Variants in LYNX1 observed in about 807,000 individuals in gnomAD.
The protein encoded by LYNX1 is Ly6/neurotoxin 1.
In LYNX1, 8 loss-of-function variants were observed where a neutral mutation model predicts 8.3. The observed-to-expected ratio is 0.97, with a 90% CI of 0.57 to 1.74. The LOEUF is 1.74. LYNX1 is among the 40% of genes most tolerant of loss of function. LYNX1 has a pLI of 0.00. For missense variants in LYNX1, 158 were observed against 159.7 expected (o/e 0.99, Z 0.06); for synonymous variants, 73 against 67.9 (o/e 1.08, Z -0.37).
At position 142,772,735 on chromosome 8, in the gene LYNX1, G is replaced by A. The variant is rs587617662; in HGVS notation, c.*2432C>T. 22 of 985,546 alleles carry A rather than the reference G, an allele frequency of 2.2e-5. No homozygotes were observed. The East Asian group carries it at 1.7e-3, about 76-fold the overall frequency. The allele number at this position is 985,546 out of a possible 1,614,324, so 61.1% of individuals were successfully genotyped here. A position where few individuals can be genotyped will look rare whatever the true frequency, so the allele number is the denominator to read the frequency against. ...TGATTTCTGCCGGCGCTGCTGTGCC[G>A]GTTCCCTGGTGCTGCACAGCCACGC... On this transcript the variant is annotated 3_prime_UTR_variant, in exon 4 of 4. Transcript: ENST00000652477.
At position 142,773,906 on chromosome 8, in the gene LYNX1, G is replaced by A. The variant is rs1190672545; in HGVS notation, c.*1261C>T. ...GACCGCTGGCACCAAAAGGTCTCACGCCCCCGAATGCCCCATTCACAGCAG... is the reference window on the plus strand; with the variant it reads ...GACCGCTGGCACCAAAAGGTCTCACACCCCCGAATGCCCCATTCACAGCAG... On this transcript the variant is annotated 3_prime_UTR_variant, in exon 4 of 4. Coordinates refer to ENST00000652477, the MANE Select transcript of LYNX1 (RefSeq NM_177477.4). The A allele has an allele frequency of 3.0e-6, 3 of 985,276 alleles. No homozygotes were observed. The highest frequency in any genetic ancestry group is 1.7e-5 in the African/African-American group (1 of 57,220). 61.0% of individuals were successfully genotyped at this position (985,276 alleles called of 1,614,324 possible).
At chr8:142,777,636 C>G (rs898495616), upstream of LYNX1, 10 of 395,704 alleles carry the variant, frequency 2.5e-5, no homozygotes, top group African/African-American at 1.7e-4. Flanking sequence ...GGCCTCGGCC[C>G]GGACCCGTCC....
Position 142,774,149 on chromosome 8 carries a change from T to TGGGCC in LYNX1, c.*1017_*1018insGGCCC. 5 of 725,116 alleles carry TGGGCC rather than the reference T, an allele frequency of 6.9e-6. No homozygotes were observed. The highest frequency in any genetic ancestry group is 6.6e-6 in the Non-Finnish European group (4 of 608,332). The allele number at this position is 725,116 out of a possible 1,614,324, so 44.9% of individuals were successfully genotyped here. ...CGGGGGAGGGGCTGGGTCTCCGCCC[T>TGGGCC]CCCCACCCCACCCTCCCCACTCCCG... On this transcript the variant is annotated 3_prime_UTR_variant, in exon 4 of 4. Coordinates refer to ENST00000652477, the MANE Select transcript of LYNX1 (RefSeq NM_177477.4).
chr8:142,773,348 C>T lies in LYNX1; in HGVS notation c.*1819G>A, dbSNP rs372303838. Reference sequence around the variant, plus strand: ...TCCAGGCTTAGGGCTACAGCCACAACCACTGGGGGTAGGGGCGAGGGGAGT... The same window carrying T: ...TCCAGGCTTAGGGCTACAGCCACAATCACTGGGGGTAGGGGCGAGGGGAGT... On this transcript the variant is annotated 3_prime_UTR_variant, in exon 4 of 4. Coordinates refer to ENST00000652477, the MANE Select transcript of LYNX1 (RefSeq NM_177477.4). The T allele has an allele frequency of 7.1e-6, 7 of 985,664 alleles. No homozygotes were observed. The highest frequency in any genetic ancestry group is 2.3e-4 in the East Asian group (2 of 8,810). The allele number at this position is 985,664 out of a possible 1,614,324, so 61.1% of individuals were successfully genotyped here.
chr8:142,774,573 C>T lies in LYNX1; in HGVS notation c.*594G>A. On this transcript the variant is annotated 3_prime_UTR_variant, in exon 4 of 4. Coordinates refer to ENST00000652477, the MANE Select transcript of LYNX1 (RefSeq NM_177477.4). ...CTGGGGCCTGCTGAGGCAGAGCCGCCCCCTCCCCTGCAGGGGGTGGCTCCA... is the reference window on the plus strand; with the variant it reads ...CTGGGGCCTGCTGAGGCAGAGCCGCTCCCTCCCCTGCAGGGGGTGGCTCCA... The T allele has an allele frequency of 1.0e-6, 1 of 985,832 alleles. No homozygotes were observed. The highest frequency in any genetic ancestry group is 1.2e-6 in the Non-Finnish European group (1 of 830,250). The allele number at this position is 985,832 out of a possible 1,614,324, so 61.1% of individuals were successfully genotyped here. A position where few individuals can be genotyped will look rare whatever the true frequency, so the allele number is the denominator to read the frequency against.
Position 142,772,897 on chromosome 8 carries a change from G to C in LYNX1, c.*2270C>G. 1 of 985,802 alleles carries C rather than the reference G, an allele frequency of 1.0e-6. No individual in the cohort carries two copies. Among genetic ancestry groups the C allele is most frequent in the Non-Finnish European group, 1.2e-6 (1 of 830,306 alleles). 61.1% of individuals were successfully genotyped at this position (985,802 alleles called of 1,614,324 possible). A position where few individuals can be genotyped will look rare whatever the true frequency, so the allele number is the denominator to read the frequency against. On this transcript the variant is annotated 3_prime_UTR_variant, in exon 4 of 4. Coordinates refer to ENST00000652477, the MANE Select transcript of LYNX1 (RefSeq NM_177477.4). ...CAGGGTGGTGGAAAGGTGGACAGAA[G>C]GAGGCAGGAGGCAGGTGTGAGAAGC...
In LYNX1 at chr8:142,774,145, G is replaced by GCCCGGGCCCCCCCC; in HGVS notation, c.*1021_*1022insGGGGGGGGCCCGGG. 1.0e-5 allele frequency: 10 copies of GCCCGGGCCCCCCCC among 981,842 alleles called. No individual in the cohort carries two copies. Among genetic ancestry groups the GCCCGGGCCCCCCCC allele is most frequent in the East Asian group, 1.2e-4 (1 of 8,580 alleles). 60.8% of individuals were successfully genotyped at this position (981,842 alleles called of 1,614,324 possible). ...GCTGCGGGGGAGGGGCTGGGTCTCC[G>GCCCGGGCCCCCCCC]CCCTCCCCACCCCACCCTCCCCACT... On this transcript the variant is annotated 3_prime_UTR_variant, in exon 4 of 4. Coordinates refer to ENST00000652477, the MANE Select transcript of LYNX1 (RefSeq NM_177477.4).
rs73362673 is a variant in LYNX1 at position 142,774,376 on chromosome 8, T to C, written c.*791A>G. Reference sequence around the variant, plus strand: ...TGCCCCTTTCCCTCCCTGCCCAGAATAGCGCTGGCCGGGTCAGCGTCCAGG... The same window carrying C: ...TGCCCCTTTCCCTCCCTGCCCAGAACAGCGCTGGCCGGGTCAGCGTCCAGG... On this transcript the variant is annotated 3_prime_UTR_variant, in exon 4 of 4. Coordinates refer to ENST00000652477, the MANE Select transcript of LYNX1 (RefSeq NM_177477.4). 10,893 of 985,774 alleles carry C rather than the reference T, an allele frequency of 0.011. 832 individuals carry two copies. In the African/African-American group the frequency reaches 0.16, roughly 15 times the overall value. 61.1% of individuals were successfully genotyped at this position (985,774 alleles called of 1,614,324 possible). A position where few individuals can be genotyped will look rare whatever the true frequency, so the allele number is the denominator to read the frequency against.
rs1321814473 is a variant in LYNX1, at chr8:142,772,626, T to C, written c.*2541A>G. 3.8e-5 allele frequency: 37 copies of C among 985,598 alleles called. No individual in the cohort carries two copies. Among genetic ancestry groups the C allele is most frequent in the Non-Finnish European group, 4.0e-5 (33 of 830,044 alleles). 61.1% of individuals were successfully genotyped at this position (985,598 alleles called of 1,614,324 possible). ...AATGGCTCCCATTGCCGGGCTGCTATACAGTGCTCAGGGCCACAGTGCAGT... is the reference window on the plus strand; with the variant it reads ...AATGGCTCCCATTGCCGGGCTGCTACACAGTGCTCAGGGCCACAGTGCAGT... On this transcript the variant is annotated 3_prime_UTR_variant, in exon 4 of 4. Transcript: ENST00000652477.
Position 142,772,329 on chromosome 8 carries a change from C to T in LYNX1, c.*2838G>A. ...CAGTGCCTCTCCCCCTCTCCTCTGC[C>T]ACTCTGCCCTGCACCCAGAGGCAGC... On this transcript the variant is annotated 3_prime_UTR_variant, in exon 4 of 4. Transcript: ENST00000652477. The T allele has an allele frequency of 2.0e-6, 2 of 985,704 alleles. No individual in the cohort carries two copies. The highest frequency in any genetic ancestry group is 2.4e-6 in the Non-Finnish European group (2 of 830,010). 61.1% of individuals were successfully genotyped at this position (985,704 alleles called of 1,614,324 possible).
Position 142,773,623 on chromosome 8 carries a change from G to A in LYNX1, c.*1544C>T, listed in dbSNP as rs890618386. 1.9e-5 allele frequency: 19 copies of A among 985,490 alleles called. No homozygotes were observed. Among genetic ancestry groups the A allele is most frequent in the East Asian group, 1.1e-4 (1 of 8,798 alleles). 61.0% of individuals were successfully genotyped at this position (985,490 alleles called of 1,614,324 possible). A position where few individuals can be genotyped will look rare whatever the true frequency, so the allele number is the denominator to read the frequency against. ...TCAGAACCAGCCCCAGGAGCAGAAC[G>A]CAGGCCTGCATATAGACTCACTGCA... On this transcript the variant is annotated 3_prime_UTR_variant, in exon 4 of 4. Coordinates refer to ENST00000652477, the MANE Select transcript of LYNX1 (RefSeq NM_177477.4).
upstream of LYNX1, chr8:142,777,652 C>T (rs887374319): frequency 6.3e-5 from 25 of 396,004 alleles, no homozygotes; most frequent in Admixed American, 8.4e-4. Flanking sequence ...CGTCCCCGGA[C>T]CGCCGGCTCG....
intron 3 of LYNX1, 37 bp from the exon 4 acceptor site, chr8:142,775,400 G>T (rs377016634): frequency 1.2e-4 from 188 of 1,604,856 alleles, no homozygotes; most frequent in Non-Finnish European, 1.4e-4. Context: ...GCTCCGCTAA[G>T]AGGGGCAGGA....
At position 142,773,898 on chromosome 8, in the gene LYNX1, G is replaced by A. The variant is rs969892405; in HGVS notation, c.*1269C>T. ...TGCAGCGTGACCGCTGGCACCAAAA[G>A]GTCTCACGCCCCCGAATGCCCCATT... On this transcript the variant is annotated 3_prime_UTR_variant, in exon 4 of 4. Coordinates refer to ENST00000652477, the MANE Select transcript of LYNX1 (RefSeq NM_177477.4). The A allele has an allele frequency of 1.0e-6, 1 of 985,414 alleles. No homozygotes were observed. The highest frequency in any genetic ancestry group is 1.2e-6 in the Non-Finnish European group (1 of 829,916). 61.0% of individuals were successfully genotyped at this position (985,414 alleles called of 1,614,324 possible).
chr8:142,774,704 C>T lies in LYNX1; in HGVS notation c.*463G>A, dbSNP rs587704912. 7.3e-4 allele frequency: 726 copies of T among 1,000,898 alleles called. 1 individual carries two copies. Among genetic ancestry groups the T allele is most frequent in the Middle Eastern group, 1.0e-3 (2 of 1,966 alleles). 62.0% of individuals were successfully genotyped at this position (1,000,898 alleles called of 1,614,324 possible). A position where few individuals can be genotyped will look rare whatever the true frequency, so the allele number is the denominator to read the frequency against. On this transcript the variant is annotated 3_prime_UTR_variant, in exon 4 of 4. Transcript: ENST00000652477. ...GGCAGCTCCTGGCCTCAGTAGGAAG[C>T]GTGACTAGGCCTGGAGGAGCCTTTC... is the stretch of plus-strand genomic sequence containing the variant.
Position 142,772,916 on chromosome 8 carries a change from G to T in LYNX1, c.*2251C>A. 2 of 985,904 alleles carry T rather than the reference G, an allele frequency of 2.0e-6. No homozygotes were observed. The highest frequency in any genetic ancestry group is 2.4e-6 in the Non-Finnish European group (2 of 830,314). The allele number at this position is 985,904 out of a possible 1,614,324, so 61.1% of individuals were successfully genotyped here. A position where few individuals can be genotyped will look rare whatever the true frequency, so the allele number is the denominator to read the frequency against. ...ACAGAAGGAGGCAGGAGGCAGGTGT[G>T]AGAAGCTGCCCACCCCACCCCTCAA... is the stretch of plus-strand genomic sequence containing the variant. On this transcript the variant is annotated 3_prime_UTR_variant, in exon 4 of 4. Transcript: ENST00000652477.
chr8:142,776,209 G>T (rs1815419364), intron 1 of LYNX1, 88 bp from the exon 2 acceptor site: 9 of 549,892 alleles, frequency 1.6e-5, no homozygotes, highest in Non-Finnish European at 3.0e-5. Context: ...GGGCAGAGGG[G>T]CCACCTAACT....
Position 142,776,011 on chromosome 8 carries a change from TGGATCCAACTCAGGGGTGGCGCACAGA to T in LYNX1, c.-81_-55del, listed in dbSNP as rs1380389593. 74 of 1,601,450 alleles carry T rather than the reference TGGATCCAACTCAGGGGTGGCGCACAGA, an allele frequency of 4.6e-5. No homozygotes were observed. Among genetic ancestry groups the T allele is most frequent in the Non-Finnish European group, 5.7e-5 (67 of 1,171,722 alleles). On this transcript the variant is annotated 5_prime_UTR_variant, in exon 2 of 4. Coordinates refer to ENST00000652477, the MANE Select transcript of LYNX1 (RefSeq NM_177477.4). ...TGGGGAGGTCAACAGCAGCTAGCCC[TGGATCCAACTCAGGGGTGGCGCACAGA>T]GGATCCAACTCAGGGTGGTGCGCAG...
In LYNX1 at chr8:142,771,755, T is replaced by C. The variant is rs1815187020; in HGVS notation, c.*3412A>G. 1.5e-5 allele frequency: 15 copies of C among 985,812 alleles called. No individual in the cohort carries two copies. The highest frequency in any genetic ancestry group is 4.7e-5 in the South Asian group (1 of 21,280). The allele number at this position is 985,812 out of a possible 1,614,324, so 61.1% of individuals were successfully genotyped here. On this transcript the variant is annotated 3_prime_UTR_variant, in exon 4 of 4. Coordinates refer to ENST00000652477, the MANE Select transcript of LYNX1 (RefSeq NM_177477.4). Reference sequence around the variant, plus strand: ...TGAACCAAATCGCCTTCATGAGAGATGACGAATCAGATGCTACATAGTGGG... The same window carrying C: ...TGAACCAAATCGCCTTCATGAGAGACGACGAATCAGATGCTACATAGTGGG...
Sources: gnomAD v4.1 joint callset for allele counts on GRCh38, gnomAD v4.1.1 for gene constraint, MANE v1.5 for transcripts, NCBI Gene and HGNC (gene_info 2026-07-23, HGNC 2026-07-21) for gene names.